Variants in ADARB2 observed in about 807,000 individuals in gnomAD.
ADARB2 encodes adenosine deaminase RNA specific B2 (inactive).
Under a neutral mutation model 62.2 loss-of-function variants are expected in ADARB2, and 25 were observed. The observed-to-expected ratio is 0.40, with a 90% CI of 0.29 to 0.56. The LOEUF (loss-of-function observed/expected upper bound fraction) is 0.56. ADARB2 is among the 20% of genes least tolerant of loss of function. The pLI is 0.43. For missense variants in ADARB2, 1,071 were observed against 1,077.4 expected (o/e 0.99, Z 0.08); for synonymous variants, 572 against 500.8 (o/e 1.14, Z -1.90).
intron 1 of ADARB2, among the ~76,000 whole-genome samples, chr10:1,417,274 T>A (rs1278507039): frequency 6.7e-6 from 1 of 149,780 alleles, no homozygotes; most frequent in African/African-American, 2.4e-5. Context: ...GGTCAGGATA[T>A]GCAAACTAGA....
chr10:1,581,982 C>T (rs1163939132), intron 1 of ADARB2, among the ~76,000 whole-genome samples: 2 of 152,132 alleles, frequency 1.3e-5, no homozygotes, highest in East Asian at 3.9e-4. Flanking sequence ...CTTCCCTACT[C>T]ACTGCGGTCC....
intron 1 of ADARB2, among the ~76,000 whole-genome samples, chr10:1,693,402 A>T (rs1352029603): frequency 1.3e-4 from 20 of 152,182 alleles, no homozygotes; most frequent in Admixed American, 1.1e-3. Flanking sequence ...CCAAGCCACC[A>T]CCTGGAGCGC....
At chr10:1,633,580 C>CTA (rs755036604) in intron 1 of ADARB2, among the ~76,000 whole-genome samples, 20 of 145,576 alleles carry the variant, frequency 1.4e-4, no homozygotes, top group African/African-American at 4.7e-4. Flanking sequence ...ATCTATCTAT[C>CTA]TATCTATCTA....
chr10:1,730,501 G>T (rs1009666499), intron 1 of ADARB2, among the ~76,000 whole-genome samples: 1 of 152,170 alleles, frequency 6.6e-6, no homozygotes, highest in African/African-American at 2.4e-5. Flanking sequence ...TGCCTTGGAA[G>T]CAGCTCAACG....
At chr10:1,387,605 C>A (rs1031439852) in intron 1 of ADARB2, among the ~76,000 whole-genome samples, 1 of 151,922 alleles carries the variant, frequency 6.6e-6, no homozygotes. Flanking sequence ...AAATTTAATT[C>A]ATAGTAAAAA....
intron 1 of ADARB2, among the ~76,000 whole-genome samples, chr10:1,445,167 A>G (rs991022209): frequency 2.2e-5 from 3 of 137,664 alleles, no homozygotes; most frequent in Non-Finnish European, 4.6e-5. Context: ...ATCTACATTC[A>G]TGTTTTCATT....
At position 1,302,392 on chromosome 10, in the gene ADARB2, C is replaced by T. The variant is rs961716612; in HGVS notation, c.1078-31323G>A. On this transcript the variant is annotated intron_variant, in intron 3 of 9. Transcript: ENST00000381312. ...CGGAGGGTCCTACCCCACGGAGTCT[C>T]GCTGATTGCTAGCACAGCAGTCTGA... 1.2e-4 allele frequency among the ~76,000 whole-genome samples: 19 copies of T among 152,210 alleles called. 1 individual carries two copies. The highest frequency in any genetic ancestry group is 9.2e-4 in the Admixed American group (14 of 15,284).
chr10:1,234,568 G>A (rs1483219948), intron 5 of ADARB2, among the ~76,000 whole-genome samples: 1 of 151,954 alleles, frequency 6.6e-6, no homozygotes, highest in Admixed American at 6.6e-5. Flanking sequence ...AGCCTCCCGA[G>A]TAGCTGGGAC....
rs539447872 is a variant in ADARB2, at chr10:1,737,062, G to C, written c.89C>G (p.Ser30Cys). 2.7e-5 allele frequency: 43 copies of C among 1,611,434 alleles called. No individual in the cohort carries two copies. The East Asian group carries it at 9.6e-4, about 36-fold the overall frequency. ...CACGCGGTCCTTACCTTTCCGCTTG[G>C]ACCTCCGCCTCCTCCTCCTCTTGGA... ...CKSKRRRRRR[S>C]KRKDKVSILS... is the part of the protein sequence containing the mutation. The change falls in exon 1 of 10, where the codon TCC becomes TGC. Residue 30 changes from serine (S) to cysteine (C), a missense_variant. By Grantham distance (112) the Ser-to-Cys change is moderately radical. Coordinates refer to ENST00000381312, the MANE Select transcript of ADARB2 (RefSeq NM_018702.4).
intron 3 of ADARB2, among the ~76,000 whole-genome samples, chr10:1,277,074 A>G (rs1453287418): frequency 3.3e-5 from 5 of 152,240 alleles, no homozygotes; most frequent in East Asian, 1.9e-4. Context: ...CAAAGACACA[A>G]CATACCAGAA....
chr10:1,343,035 A>G (rs1237377989), intron 3 of ADARB2, among the ~76,000 whole-genome samples: 2 of 152,244 alleles, frequency 1.3e-5, no homozygotes, highest in Non-Finnish European at 2.9e-5. Flanking sequence ...CTGGTTCCCA[A>G]CAACACAAGG....
At chr10:1,244,431 C>G (rs527802671) in intron 4 of ADARB2, among the ~76,000 whole-genome samples, 22 of 152,350 alleles carry the variant, frequency 1.4e-4, no homozygotes, top group African/African-American at 5.3e-4. Flanking sequence ...AGGCCCCGGC[C>G]TGCTCCTTCT....
At chr10:1,464,248 C>T (rs113699923) in intron 1 of ADARB2, among the ~76,000 whole-genome samples, 467 of 54,204 alleles carry the variant, frequency 8.6e-3, no homozygotes, top group South Asian at 0.024. Flanking sequence ...GGCAGTGCGC[C>T]GGAGAAGAGG....
At chr10:1,701,927 G>T (rs568154858) in intron 1 of ADARB2, among the ~76,000 whole-genome samples, 3 of 152,080 alleles carry the variant, frequency 2.0e-5, no homozygotes, top group African/African-American at 7.2e-5. Context: ...GAGACCAGGC[G>T]CTCGTCAATA....
chr10:1,234,252 G>A (rs981560753), intron 5 of ADARB2, among the ~76,000 whole-genome samples: 3 of 151,998 alleles, frequency 2.0e-5, no homozygotes, highest in Non-Finnish European at 2.9e-5. Flanking sequence ...GTCTCCCGAA[G>A]TGCTGGGATT....
intron 1 of ADARB2, among the ~76,000 whole-genome samples, chr10:1,712,733 C>T (rs557293670): frequency 1.1e-4 from 15 of 138,048 alleles, no homozygotes; most frequent in African/African-American, 3.9e-4. Context: ...CTCAGCCTCC[C>T]GAGTAGCTGG....
At chr10:1,492,040 T>G (rs1469962917) in intron 1 of ADARB2, among the ~76,000 whole-genome samples, 1 of 152,244 alleles carries the variant, frequency 6.6e-6, no homozygotes. Flanking sequence ...GCATCACTCA[T>G]TTGTTCTATA....
chr10:1,346,098 T>G (rs989655225), intron 3 of ADARB2, among the ~76,000 whole-genome samples: 2 of 152,242 alleles, frequency 1.3e-5, no homozygotes, highest in Non-Finnish European at 2.9e-5. Context: ...TAGTAACTGT[T>G]GTTCTGTTCG....
intron 1 of ADARB2, among the ~76,000 whole-genome samples, chr10:1,724,082 G>A (rs1052858134): frequency 3.3e-5 from 5 of 152,174 alleles, no homozygotes; most frequent in African/African-American, 1.2e-4. Flanking sequence ...CCTGACCTGT[G>A]GTGCCTCACA....
Sources: allele counts gnomAD v4.1 joint callset (sites outside exome capture counted in the v4.1 genomes callset), GRCh38; gene constraint gnomAD v4.1.1; transcripts MANE v1.5; gene names NCBI Gene and HGNC (gene_info 2026-07-23, HGNC 2026-07-21).